ASAP1: variants seen among roughly 807,000 people sequenced by gnomAD.
ASAP1 encodes arf-GAP with SH3 domain, ANK repeat and PH domain-containing protein 1.
Under a neutral mutation model 145.2 loss-of-function variants are expected in ASAP1, and 43 were observed. That is an observed-to-expected ratio of 0.30 (90% CI 0.23 to 0.38). The LOEUF (loss-of-function observed/expected upper bound fraction) is 0.38, where lower values mean the gene tolerates loss of function less well. Among genes scored for constraint, ASAP1 ranks in the 10% least tolerant of loss-of-function variants. The probability of loss-of-function intolerance (pLI) is 1.00; values close to 1 mark genes in which losing one functional copy is unlikely to be tolerated. For synonymous variants in ASAP1, 546 were observed against 515.5 expected (o/e 1.06, Z -0.80); for missense variants, 1,018 against 1,355.3 (o/e 0.75, Z 3.91).
intron 1 of ASAP1, among the ~76,000 whole-genome samples, chr8:130,409,822 C>A (rs1565292657): frequency 6.6e-6 from 1 of 152,232 alleles, no homozygotes; most frequent in Non-Finnish European, 1.5e-5. Flanking sequence ...CTGGATTATA[C>A]ACTCATGACA....
intron 18 of ASAP1, among the ~76,000 whole-genome samples, chr8:130,120,883 A>T (rs1023205670): frequency 1.1e-4 from 16 of 152,224 alleles, no homozygotes; most frequent in African/African-American, 3.9e-4. Flanking sequence ...GGGAGAGTGG[A>T]AAATAGATTT....
chr8:130,355,989 ACTT>A (rs1306340007), intron 3 of ASAP1, among the ~76,000 whole-genome samples: 2 of 152,174 alleles, frequency 1.3e-5, no homozygotes, highest in Non-Finnish European at 2.9e-5. Flanking sequence ...ATGACACTGA[ACTT>A]CTAGCCTGGT....
intron 2 of ASAP1, among the ~76,000 whole-genome samples, chr8:130,393,037 A>T (rs1828359079): frequency 6.6e-6 from 1 of 152,136 alleles, no homozygotes; most frequent in Non-Finnish European, 1.5e-5. Flanking sequence ...TTAACATGAC[A>T]GTTATATTAT....
intron 3 of ASAP1, among the ~76,000 whole-genome samples, chr8:130,316,126 T>C (rs1014942425): frequency 6.6e-6 from 1 of 152,254 alleles, no homozygotes; most frequent in African/African-American, 2.4e-5. Flanking sequence ...CCTTTTCTAC[T>C]GTCTGTTCCC....
At chr8:130,409,834 C>T (rs1198772847) in intron 1 of ASAP1, among the ~76,000 whole-genome samples, 1 of 152,246 alleles carries the variant, frequency 6.6e-6, no homozygotes, top group Non-Finnish European at 1.5e-5. Flanking sequence ...CTCATGACAA[C>T]TGTGACTGCA....
At chr8:130,106,739 TG>T (rs1188958958) in intron 24 of ASAP1, among the ~76,000 whole-genome samples, 2 of 152,228 alleles carry the variant, frequency 1.3e-5, no homozygotes, top group Non-Finnish European at 2.9e-5. Context: ...CCCTTATCCT[TG>T]AGGAGTTCTG....
At chr8:130,404,488 T>C (rs753347839) in intron 1 of ASAP1, among the ~76,000 whole-genome samples, 9 of 152,212 alleles carry the variant, frequency 5.9e-5, no homozygotes, top group Non-Finnish European at 8.8e-5. Flanking sequence ...TCCTATAATA[T>C]TGACCTCCAG....
intron 3 of ASAP1, among the ~76,000 whole-genome samples, chr8:130,354,288 T>C (rs759609438): frequency 2.0e-5 from 3 of 152,188 alleles, no homozygotes; most frequent in Non-Finnish European, 4.4e-5. Flanking sequence ...CTCTATAAAA[T>C]GGAAACGATA....
intron 3 of ASAP1, among the ~76,000 whole-genome samples, chr8:130,286,793 T>C (rs1027196732): frequency 6.6e-6 from 1 of 152,212 alleles, no homozygotes; most frequent in Admixed American, 6.5e-5. Context: ...AATGCACAAA[T>C]GAGCAAACAA....
intron 13 of ASAP1, among the ~76,000 whole-genome samples, chr8:130,150,162 A>G (rs1434367564): frequency 6.6e-6 from 1 of 152,246 alleles, no homozygotes; most frequent in Non-Finnish European, 1.5e-5. Flanking sequence ...AGTAAATGGC[A>G]AAGTTGGCAT....
At chr8:130,136,560 C>CTT (rs79726935) in intron 14 of ASAP1, among the ~76,000 whole-genome samples, 3 of 144,292 alleles carry the variant, frequency 2.1e-5, no homozygotes, top group Admixed American at 6.9e-5. Context: ...CACCTAGTGG[C>CTT]TTTTTTTTTT....
intron 4 of ASAP1, among the ~76,000 whole-genome samples, chr8:130,217,713 T>A (rs758201293): frequency 1.6e-4 from 24 of 152,184 alleles, no homozygotes; most frequent in Non-Finnish European, 2.4e-4. Flanking sequence ...TTTATTGAAT[T>A]CCTTTTCAGG....
chr8:130,291,392 T>C (rs986852781), intron 3 of ASAP1, among the ~76,000 whole-genome samples: 1 of 152,236 alleles, frequency 6.6e-6, no homozygotes, highest in African/African-American at 2.4e-5. Context: ...TGCCTCCACA[T>C]GTCCTTGGGA....
At chr8:130,356,520 G>A (rs772490869) in intron 3 of ASAP1, among the ~76,000 whole-genome samples, 2 of 152,032 alleles carry the variant, frequency 1.3e-5, no homozygotes, top group Non-Finnish European at 2.9e-5. Context: ...ATAACAGACT[G>A]GCAGTTCACA....
intron 3 of ASAP1, among the ~76,000 whole-genome samples, chr8:130,238,948 T>C (rs572713457): frequency 4.6e-5 from 7 of 152,264 alleles, no homozygotes; most frequent in African/African-American, 1.7e-4. Flanking sequence ...TCTTATCACA[T>C]CCACTGCCTA....
chr8:130,355,782 A>T, intron 3 of ASAP1, among the ~76,000 whole-genome samples: 1 of 152,208 alleles, frequency 6.6e-6, no homozygotes, highest in East Asian at 1.9e-4. Flanking sequence ...AAAAAACCTA[A>T]AGCATACTTT....
chr8:130,092,254 C>T, intron 24 of ASAP1, 111 bp from the exon 25 acceptor site: 1 of 1,162,458 alleles, frequency 8.6e-7, no homozygotes, highest in Non-Finnish European at 1.2e-6. Context: ...CACACAGAGA[C>T]AAAAGCAAAA....
rs1465530043 is a variant in ASAP1, at chr8:130,116,710, T to C, written c.2032A>G (p.Lys678Glu). The C allele has an allele frequency of 1.3e-5, 21 of 1,614,142 alleles. No homozygotes were observed. The highest frequency in any genetic ancestry group is 1.7e-5 in the Non-Finnish European group (20 of 1,179,998). The part of the protein sequence containing the change: ...QAGETALDIA[K>E]RLKATQCEDL... ...TCACACTGGGTAGCTTTTAGTCTCT[T>C]TGCTATGTCTAGGGCAGTTTCTCCA... The change falls in exon 22 of 30, where the codon AAG (lysine) becomes GAG (glutamate). Residue 678 changes from lysine to glutamate, a missense_variant. By Grantham distance (56) the Lys-to-Glu change is moderately conservative (BLOSUM62 1). This residue lies in a region of ASAP1 where 353 missense variants were observed against 375.4 expected (regional missense o/e 0.94). Transcript: ENST00000518721.
At chr8:130,359,929 G>GCACT (rs1368041146) in intron 2 of ASAP1, among the ~76,000 whole-genome samples, 4 of 152,246 alleles carry the variant, frequency 2.6e-5, no homozygotes, top group Non-Finnish European at 5.9e-5. Context: ...GGCCCATCTT[G>GCACT]CACTGTTAAG....
Sources: gnomAD v4.1 joint callset for allele counts (sites outside exome capture counted in the v4.1 genomes callset) on GRCh38, gnomAD v4.1.1 for gene constraint, gnomAD v4.1.1 regional missense constraint, MANE v1.5 for transcripts, NCBI Gene and HGNC (gene_info 2026-07-23, HGNC 2026-07-21) for gene names.